Variants in TRIM25 observed in about 807,000 individuals in gnomAD.
The protein encoded by TRIM25 is E3 ubiquitin/ISG15 ligase TRIM25.
Under a neutral mutation model 65.2 loss-of-function variants are expected in TRIM25, and 45 were observed. The ratio of observed to expected loss-of-function variants is 0.69; its 90% CI spans 0.54 to 0.89. The LOEUF is 0.89. Ranked by LOEUF, TRIM25 falls within the 40% of genes least tolerant of loss-of-function variation. The pLI is 0.00. For missense variants in TRIM25, 714 were observed against 803.7 expected (o/e 0.89, Z 1.35); for synonymous variants, 321 against 340.4 (o/e 0.94, Z 0.63).
intron 8 of TRIM25, among the ~76,000 whole-genome samples, chr17:56,893,068 C>G (rs1003999810): frequency 6.6e-6 from 1 of 152,188 alleles, no homozygotes; most frequent in African/African-American, 2.4e-5. Flanking sequence ...AGAGTGAAGC[C>G]ACGGAGTGCC....
Position 56,895,972 on chromosome 17 carries a change from G to T in TRIM25, c.1154-20C>A. The T allele has an allele frequency of 6.2e-7, 1 of 1,610,250 alleles. No individual in the cohort carries two copies. Among genetic ancestry groups the T allele is most frequent in the Non-Finnish European group, 8.5e-7 (1 of 1,178,456 alleles). On this transcript the variant is annotated intron_variant, in intron 5 of 8. Coordinates refer to ENST00000316881, the MANE Select transcript of TRIM25 (RefSeq NM_005082.5). ...CCTCTTCTGCAAAAGAAAGTTTTCAGATTTAATTTCTTTTAAGGCACAACA... is the reference window on the plus strand; with the variant it reads ...CCTCTTCTGCAAAAGAAAGTTTTCATATTTAATTTCTTTTAAGGCACAACA...
At chr17:56,895,105 T>C (rs779261262) in intron 8 of TRIM25, among the ~76,000 whole-genome samples, 18 of 151,884 alleles carry the variant, frequency 1.2e-4, no homozygotes, top group South Asian at 4.2e-4. Context: ...GTGAGCTCAA[T>C]TGGGCCAGAC....
Position 56,891,563 on chromosome 17 carries a change from C to CCAA in TRIM25, c.*136_*137insTTG. 1 of 668,440 alleles carries CCAA rather than the reference C, an allele frequency of 1.5e-6. No homozygotes were observed. The highest frequency in any genetic ancestry group is 2.4e-6 in the Non-Finnish European group (1 of 417,524). 41.4% of individuals were successfully genotyped at this position (668,440 alleles called of 1,614,324 possible). ...TTCCTGGCTAAATCCCACCTCCCACCCTCCCGCCAGCTCCCCTCCCATGCT... is the reference window on the plus strand; with the variant it reads ...TTCCTGGCTAAATCCCACCTCCCACCCAACTCCCGCCAGCTCCCCTCCCATGCT... On this transcript the variant is annotated 3_prime_UTR_variant, in exon 9 of 9. Transcript: ENST00000316881.
At position 56,887,913 on chromosome 17, in the gene TRIM25, C is replaced by G. The variant is rs1909088671; in HGVS notation, c.*3787G>C. 1 of 152,198 alleles carries G rather than the reference C, an allele frequency of 6.6e-6. No individual in the cohort carries two copies. Among genetic ancestry groups the G allele is most frequent in the South Asian group, 2.1e-4 (1 of 4,826 alleles). 9.4% of individuals were successfully genotyped at this position (152,198 alleles called of 1,614,324 possible). ...AAAAATCACAGAACTCAGGACTATA[C>G]TTATGATTAGTTTTATTATAAAGGA... On this transcript the variant is annotated 3_prime_UTR_variant, in exon 9 of 9. Transcript: ENST00000316881.
chr17:56,899,635 A>G (rs906866207), intron 4 of TRIM25, among the ~76,000 whole-genome samples: 1 of 152,180 alleles, frequency 6.6e-6, no homozygotes, highest in Non-Finnish European at 1.5e-5. Flanking sequence ...CAGCACTTCC[A>G]CAATGGGGCT....
chr17:56,908,806 G>A (rs1209012849), intron 1 of TRIM25: 2 of 476,596 alleles, frequency 4.2e-6, no homozygotes, highest in Non-Finnish European at 3.8e-6. Flanking sequence ...CCAACTCCCA[G>A]CTGTGCAACT....
chr17:56,899,131 A>C lies in TRIM25; in HGVS notation c.1137T>G (p.Pro379=). The C allele has an allele frequency of 1.9e-6, 3 of 1,614,162 alleles. No individual in the cohort carries two copies. Among genetic ancestry groups the C allele is most frequent in the Non-Finnish European group, 2.5e-6 (3 of 1,180,022 alleles). The part of the protein sequence containing the change: ...DPASTHKSTR[P]VKKVSKEEKK... ...GCTACTTACTGGAGACCTTCTTCACAGGGCGTGTGGATTTGTGTGTGGACG... is the reference window on the plus strand; with the variant it reads ...GCTACTTACTGGAGACCTTCTTCACCGGGCGTGTGGATTTGTGTGTGGACG... Residue 379 remains proline, a synonymous_variant, in exon 5 of 9, where the codon CCT becomes CCG. Coordinates refer to ENST00000316881, the MANE Select transcript of TRIM25 (RefSeq NM_005082.5).
Position 56,899,121 on chromosome 17 carries a change from CCTT to C in TRIM25, c.1144_1146del (p.Lys382del), listed in dbSNP as rs776123441. The C allele has an allele frequency of 1.7e-5, 27 of 1,614,062 alleles. No homozygotes were observed. The Admixed American group carries it at 2.3e-4, about 14-fold the overall frequency. ...CAGGGGTGGGGCTACTTACTGGAGA[CCTT>C]CTTCACAGGGCGTGTGGATTTGTGT... On this transcript the variant is annotated inframe_deletion, in exon 5 of 9. Coordinates refer to ENST00000316881, the MANE Select transcript of TRIM25 (RefSeq NM_005082.5).
chr17:56,905,611 T>C (rs1158826465), intron 2 of TRIM25, among the ~76,000 whole-genome samples: 2 of 152,158 alleles, frequency 1.3e-5, no homozygotes, highest in Non-Finnish European at 2.9e-5. Context: ...AAATTGATGA[T>C]ATGTTGAAAG....
Position 56,913,368 on chromosome 17 carries a change from T to C in TRIM25, c.597+24A>G. 2 of 1,536,606 alleles carry C rather than the reference T, an allele frequency of 1.3e-6. No individual in the cohort carries two copies. Among genetic ancestry groups the C allele is most frequent in the East Asian group, 2.3e-5 (1 of 43,794 alleles). ...CCACCCATCAGGCCAGGCTGCCCTC[T>C]GCACCCAGCAGGCCGTTCCCTACCT... On this transcript the variant is annotated intron_variant, in intron 1 of 8. Transcript: ENST00000316881. The surrounding 1 kb of genome is among the most constrained non-coding windows in gnomAD (Gnocchi z 6.1).
rs1427551915 is a variant in TRIM25 at position 56,913,268 on chromosome 17, C to G, written c.597+124G>C. The G allele has an allele frequency of 1.3e-6, 1 of 795,714 alleles. No individual in the cohort carries two copies. The highest frequency in any genetic ancestry group is 2.9e-5 in the East Asian group (1 of 34,940). 49.3% of individuals were successfully genotyped at this position (795,714 alleles called of 1,614,324 possible). On this transcript the variant is annotated intron_variant, in intron 1 of 8. Transcript: ENST00000316881. The surrounding 1 kb of genome is among the most constrained non-coding windows in gnomAD (Gnocchi z 6.1). ...CTTTCTACTCTGACATTGGAGATGC[C>G]CCGGCCTCGAATTCAGGCCCATCTC... is the stretch of plus-strand genomic sequence containing the variant.
intron 2 of TRIM25, among the ~76,000 whole-genome samples, chr17:56,907,216 T>G (rs1909539039): frequency 6.6e-6 from 1 of 152,256 alleles, no homozygotes; most frequent in Non-Finnish European, 1.5e-5. Context: ...GTTACTCATG[T>G]GTGGGTTTGG....
chr17:56,896,417 G>C (rs1050889436), intron 5 of TRIM25, among the ~76,000 whole-genome samples: 2 of 151,704 alleles, frequency 1.3e-5, no homozygotes, highest in African/African-American at 4.8e-5. Context: ...AATTTGGGAG[G>C]CCAAGGTGCA....
rs748730360 is a variant in TRIM25, at chr17:56,890,786, C to T, written c.*914G>A. 4 of 456,486 alleles carry T rather than the reference C, an allele frequency of 8.8e-6. No individual in the cohort carries two copies. Among genetic ancestry groups the T allele is most frequent in the Non-Finnish European group, 1.8e-5 (4 of 226,952 alleles). 28.3% of individuals were successfully genotyped at this position (456,486 alleles called of 1,614,324 possible). A position where few individuals can be genotyped will look rare whatever the true frequency, so the allele number is the denominator to read the frequency against. On this transcript the variant is annotated 3_prime_UTR_variant, in exon 9 of 9. Coordinates refer to ENST00000316881, the MANE Select transcript of TRIM25 (RefSeq NM_005082.5). ...CAGGACACTCTAACACGAGCAAACC[C>T]ACCAGGCTTCTGTTGATCCAGGGCA...
chr17:56,898,198 G>C (rs1909334217), intron 5 of TRIM25, among the ~76,000 whole-genome samples: 1 of 151,998 alleles, frequency 6.6e-6, no homozygotes, highest in African/African-American at 2.4e-5. Context: ...ATATGAACAT[G>C]TCAGCGGTAT....
At chr17:56,898,375 G>A (rs1399977658) in intron 5 of TRIM25, among the ~76,000 whole-genome samples, 1 of 152,130 alleles carries the variant, frequency 6.6e-6, no homozygotes, top group Non-Finnish European at 1.5e-5. Flanking sequence ...CTCATAAAGA[G>A]CTCTCACAAT....
Position 56,913,921 on chromosome 17 carries a change from G to C in TRIM25, c.68C>G (p.Pro23Arg), listed in dbSNP as rs757254309. 4 of 1,580,026 alleles carry C rather than the reference G, an allele frequency of 2.5e-6. No individual in the cohort carries two copies. The South Asian group carries it at 3.5e-5, about 14-fold the overall frequency. The change falls in exon 1 of 9, where the codon CCG becomes CGG. Residue 23 changes from proline to arginine, a missense_variant. Pro to Arg is a moderately radical substitution (Grantham distance 103). This residue lies in a region of TRIM25 where 291 missense variants were observed against 281.8 expected (regional missense o/e 1.03). Coordinates refer to ENST00000316881, the MANE Select transcript of TRIM25 (RefSeq NM_005082.5). This position sits in a 1 kb window ranked among gnomAD's most constrained non-coding sequence, Gnocchi z 6.1. Reference protein sequence around the residue: ...CSICLEPFKEPVTTPCGHNFC... With the variant: ...CSICLEPFKERVTTPCGHNFC... ...GTTGTGGCCGCACGGAGTGGTGACC[G>C]GCTCCTTGAAGGGCTCCAGGCAGAT...
Position 56,913,526 on chromosome 17 carries a change from G to A in TRIM25, c.463C>T (p.Arg155Cys), listed in dbSNP as rs748267365. The part of the protein sequence containing the change: ...LQPPVRDLLR[R>C]KCSQHNRLRE... ...AGCCGATTGTGCTGGGAACATTTGC[G>A]GCGCAACAGGTCGCGAACGGGCGGC... Residue 155 changes from arginine (R) to cysteine (C), a missense_variant, in exon 1 of 9, where the codon CGC (arginine) becomes TGC (cysteine). Arg to Cys is a radical substitution (Grantham distance 180, BLOSUM62 -3). Coordinates refer to ENST00000316881, the MANE Select transcript of TRIM25 (RefSeq NM_005082.5). The surrounding 1 kb of genome is among the most constrained non-coding windows in gnomAD (Gnocchi z 6.1). 1.2e-6 allele frequency: 2 copies of A among 1,613,814 alleles called. No individual in the cohort carries two copies. Among genetic ancestry groups the A allele is most frequent in the South Asian group, 1.1e-5 (1 of 91,040 alleles).
At chr17:56,911,504 C>T (rs533747311) in intron 1 of TRIM25, among the ~76,000 whole-genome samples, 7 of 150,448 alleles carry the variant, frequency 4.7e-5, no homozygotes, top group Admixed American at 2.0e-4. Context: ...CGCTTGAACT[C>T]GGGAGGTGGA....
Sources: allele counts gnomAD v4.1 joint callset (sites outside exome capture counted in the v4.1 genomes callset), GRCh38; gene constraint gnomAD v4.1.1; regional missense constraint gnomAD v4.1.1; non-coding constraint Gnocchi (gnomAD v3.1); transcripts MANE v1.5; gene names NCBI Gene and HGNC (gene_info 2026-07-23, HGNC 2026-07-21).